Variants in B3GALT5 observed in about 807,000 individuals in gnomAD.
B3GALT5 encodes UDP-Gal:betaGlcNAc beta 1,3-galactosyltransferase, polypeptide 5.
For synonymous variants in B3GALT5, 156 were observed against 158.6 expected, an observed-to-expected ratio of 0.98 and a Z score of 0.12; for missense variants, 328 against 396.6, an observed-to-expected ratio of 0.83 and a Z score of 1.47.
At chr21:39,643,013 C>T (rs1287600574) in intron 1 of B3GALT5, among the ~76,000 whole-genome samples, 1 of 151,378 alleles carries the variant, frequency 6.6e-6, no homozygotes, top group African/African-American at 2.4e-5. Context: ...GATCGTGGCA[C>T]TGCACTCCAG....
rs1038266946 is a variant in B3GALT5 at position 39,670,333 on chromosome 21, C to T, written c.*8841C>T. On this transcript the variant is annotated 3_prime_UTR_variant, in exon 4 of 4. Coordinates refer to ENST00000684187, the MANE Select transcript of B3GALT5 (RefSeq NM_001356336.2). Reference sequence around the variant, plus strand: ...TGGTTCTGAACAATGTTAACTGCCCCACCCGTGTCCATGAAGGGCAGTGGA... The same window carrying T: ...TGGTTCTGAACAATGTTAACTGCCCTACCCGTGTCCATGAAGGGCAGTGGA... 2.0e-5 allele frequency: 3 copies of T among 152,204 alleles called. No individual in the cohort carries two copies. The highest frequency in any genetic ancestry group is 7.2e-5 in the African/African-American group (3 of 41,440). The allele number at this position is 152,204 out of a possible 1,614,324, so 9.4% of individuals were successfully genotyped here. A position where few individuals can be genotyped will look rare whatever the true frequency, so the allele number is the denominator to read the frequency against.
At chr21:39,622,254 C>A (rs2079137908) in intron 1 of B3GALT5, among the ~76,000 whole-genome samples, 1 of 152,002 alleles carries the variant, frequency 6.6e-6, no homozygotes, top group African/African-American at 2.4e-5. Context: ...TGTTTACTTT[C>A]TGTTTCTGTA....
At chr21:39,614,079 G>A (rs570337048) in intron 1 of B3GALT5, among the ~76,000 whole-genome samples, 2 of 152,306 alleles carry the variant, frequency 1.3e-5, no homozygotes, top group African/African-American at 4.8e-5. Context: ...AGTGGCTGCT[G>A]TTGAGAGTAT....
At chr21:39,614,255 C>T (rs2079095935) in intron 1 of B3GALT5, among the ~76,000 whole-genome samples, 1 of 152,140 alleles carries the variant, frequency 6.6e-6, no homozygotes, top group South Asian at 2.1e-4. Context: ...GGAATGATTG[C>T]ATGTGTATTA....
intron 2 of B3GALT5, among the ~76,000 whole-genome samples, chr21:39,652,142 C>T (rs569074156): frequency 2.6e-5 from 4 of 152,302 alleles, no homozygotes; most frequent in African/African-American, 7.2e-5. Flanking sequence ...AGGTGCCCCC[C>T]CAAGCTGGGT....
chr21:39,617,887 A>G (rs1197807063), intron 1 of B3GALT5, among the ~76,000 whole-genome samples: 1 of 152,084 alleles, frequency 6.6e-6, no homozygotes, highest in African/African-American at 2.4e-5. Context: ...TTTCATTGCT[A>G]TGTAAAATGG....
chr21:39,647,211 C>T lies in B3GALT5; in HGVS notation c.-161+589C>T, dbSNP rs564992459. 9.2e-5 allele frequency among the ~76,000 whole-genome samples: 14 copies of T among 152,356 alleles called. No individual in the cohort carries two copies. In the South Asian group the frequency reaches 2.7e-3, roughly 29 times the overall value. On this transcript the variant is annotated intron_variant, in intron 2 of 3. Coordinates refer to ENST00000684187, the MANE Select transcript of B3GALT5 (RefSeq NM_001356336.2). The stretch of plus-strand genomic sequence containing the variant: ...CCTTGGAACAACAGGACATTGCCAG[C>T]CAACTGAAGGAGTCTTTGGTTCTCA...
intron 2 of B3GALT5, among the ~76,000 whole-genome samples, chr21:39,649,586 A>T (rs1248722899): frequency 6.6e-6 from 1 of 152,198 alleles, no homozygotes; most frequent in Non-Finnish European, 1.5e-5. Flanking sequence ...CAGCATGGAC[A>T]AGTGGGGAGG....
At chr21:39,650,356 A>C (rs2079382923) in intron 2 of B3GALT5, among the ~76,000 whole-genome samples, 1 of 152,116 alleles carries the variant, frequency 6.6e-6, no homozygotes, top group South Asian at 2.1e-4. Flanking sequence ...TCCTGCCTTC[A>C]CTGGTCAGCT....
intron 2 of B3GALT5, among the ~76,000 whole-genome samples, chr21:39,652,529 A>G (rs954683839): frequency 6.6e-6 from 1 of 152,246 alleles, no homozygotes; most frequent in Non-Finnish European, 1.5e-5. Flanking sequence ...CTGAGATGTG[A>G]ACCAGGGCCT....
chr21:39,620,679 A>G (rs1424447856), intron 1 of B3GALT5, among the ~76,000 whole-genome samples: 1 of 152,138 alleles, frequency 6.6e-6, no homozygotes, highest in East Asian at 1.9e-4. Context: ...GCAAATGTTG[A>G]TATGAGCATA....
chr21:39,625,597 A>T (rs2079159530), intron 1 of B3GALT5, among the ~76,000 whole-genome samples: 1 of 152,228 alleles, frequency 6.6e-6, no homozygotes, highest in Admixed American at 6.5e-5. Context: ...CATTATGCAT[A>T]TTAATTTTGG....
intron 1 of B3GALT5, among the ~76,000 whole-genome samples, chr21:39,641,515 AT>A (rs2079290036): frequency 1.3e-5 from 2 of 152,106 alleles, no homozygotes; most frequent in Middle Eastern, 3.4e-3. Flanking sequence ...TAATGCTTGA[AT>A]TCCCTTTACC....
chr21:39,645,554 T>C (rs1165045239), intron 1 of B3GALT5, among the ~76,000 whole-genome samples: 1 of 152,168 alleles, frequency 6.6e-6, no homozygotes, highest in African/African-American at 2.4e-5. Context: ...GTGTGGAGCC[T>C]CTCTGTGGCT....
chr21:39,660,021 G>GTA (rs752321161), intron 3 of B3GALT5, 109 bp downstream of exon 3: 3 of 617,876 alleles, frequency 4.9e-6, no homozygotes, highest in Non-Finnish European at 6.1e-6. Flanking sequence ...ATCAGAGACT[G>GTA]TAAAAAGTAA....
At chr21:39,643,916 A>G (rs1044459320) in intron 1 of B3GALT5, among the ~76,000 whole-genome samples, 2 of 152,142 alleles carry the variant, frequency 1.3e-5, no homozygotes, top group African/African-American at 4.8e-5. Flanking sequence ...TGTGGAAGTG[A>G]TTGACACTGA....
intron 1 of B3GALT5, among the ~76,000 whole-genome samples, chr21:39,630,785 G>A (rs1309656716): frequency 1.3e-5 from 2 of 152,198 alleles, no homozygotes; most frequent in Non-Finnish European, 2.9e-5. Flanking sequence ...AGGAATACTA[G>A]AGGGTGGGGC....
intron 1 of B3GALT5, among the ~76,000 whole-genome samples, chr21:39,618,931 T>A (rs1182068003): frequency 6.6e-6 from 1 of 152,232 alleles, no homozygotes; most frequent in Non-Finnish European, 1.5e-5. Flanking sequence ...CTTTTCACAT[T>A]TAGGTTTTTA....
Position 39,662,684 on chromosome 21 carries a change from G to A in B3GALT5, c.*1192G>A, listed in dbSNP as rs1328256567. ...CTGCCTCCTACCCAGAGGTTTGTGC[G>A]AGCCTGTGTTGCAGGGTTGTATAAA... is the stretch of plus-strand genomic sequence containing the variant. On this transcript the variant is annotated 3_prime_UTR_variant, in exon 4 of 4. Coordinates refer to ENST00000684187, the MANE Select transcript of B3GALT5 (RefSeq NM_001356336.2). The A allele has an allele frequency of 1.2e-5, 2 of 167,548 alleles. No homozygotes were observed. The highest frequency in any genetic ancestry group is 2.4e-5 in the African/African-American group (1 of 41,470). 10.4% of individuals were successfully genotyped at this position (167,548 alleles called of 1,614,324 possible). A position where few individuals can be genotyped will look rare whatever the true frequency, so the allele number is the denominator to read the frequency against.
Sources: gnomAD v4.1 joint callset for allele counts (sites outside exome capture counted in the v4.1 genomes callset) on GRCh38, gnomAD v4.1.1 for gene constraint, MANE v1.5 for transcripts, NCBI Gene and HGNC (gene_info 2026-07-23, HGNC 2026-07-21) for gene names.